The following ACSBG1 variants were observed in gnomAD, a reference collection of about 807,000 sequenced individuals.
ACSBG1 encodes the protein acyl-CoA synthetase bubblegum family member 1, also known as long-chain-fatty-acid--CoA ligase ACSBG1.
ACSBG1 carries 39 observed loss-of-function variants against 80.2 expected under a neutral mutation model. The ratio of observed to expected loss-of-function variants is 0.49; its 90% CI spans 0.38 to 0.64. The LOEUF (loss-of-function observed/expected upper bound fraction) is 0.64. Among genes scored for constraint, ACSBG1 ranks in the 30% least tolerant of loss-of-function variants. The probability of loss-of-function intolerance (pLI) is 0.00; values close to 1 mark genes in which losing one functional copy is unlikely to be tolerated. For missense variants in ACSBG1, 828 were observed against 966.4 expected (o/e 0.86, Z 1.90); for synonymous variants, 392 against 379.5 (o/e 1.03, Z -0.38).
At chr15:78,171,601 T>C in intron 13 of ACSBG1, 72 bp from the exon 14 acceptor site, 1 of 1,238,250 alleles carries the variant, frequency 8.1e-7, no homozygotes, top group Non-Finnish European at 1.2e-6. Flanking sequence ...TGGTAAAGAC[T>C]CACACTCAGT....
chr15:78,190,994 T>C (rs1005490094), intron 5 of ACSBG1, among the ~76,000 whole-genome samples: 19 of 152,164 alleles, frequency 1.2e-4, no homozygotes, highest in African/African-American at 4.6e-4. Context: ...AGGGCAAGAC[T>C]CAACTATGTG....
chr15:78,201,673 G>A (rs531959432), intron 2 of ACSBG1, among the ~76,000 whole-genome samples: 4 of 152,316 alleles, frequency 2.6e-5, no homozygotes, highest in East Asian at 3.9e-4. Flanking sequence ...GTTCCCACCC[G>A]TGGGCTCTGC....
In ACSBG1 at chr15:78,179,703, T is replaced by C. The variant is rs200747058; in HGVS notation, c.1331A>G (p.Lys444Arg). ...AKVRQALGFA[K>R]CQKNFYGAAP... ...CGCTCCATAGAAGTTCTTTTGACACTTGGCAAATCCCAGTGCCTGGCGAAC... is the reference window on the plus strand; with the variant it reads ...CGCTCCATAGAAGTTCTTTTGACACCTGGCAAATCCCAGTGCCTGGCGAAC... The change falls in exon 10 of 14, where the codon AAG becomes AGG. Residue 444 changes from lysine to arginine, a missense_variant. Transcript: ENST00000258873. The C allele has an allele frequency of 1.9e-5, 31 of 1,613,974 alleles. No individual in the cohort carries two copies. The highest frequency in any genetic ancestry group is 2.1e-5 in the Non-Finnish European group (25 of 1,180,028).
Position 78,174,592 on chromosome 15 carries a change from A to G in ACSBG1, c.1703-68T>C, listed in dbSNP as rs1374110559. ...GGTGCCCCAGCTGAACCACAACCCA[A>G]GCCTCAACCACAACCCGGAAGCCTC... On this transcript the variant is annotated intron_variant, in intron 11 of 13. Coordinates refer to ENST00000258873, the MANE Select transcript of ACSBG1 (RefSeq NM_015162.5). 4 of 1,539,766 alleles carry G rather than the reference A, an allele frequency of 2.6e-6. No individual in the cohort carries two copies. The Admixed American group carries it at 7.6e-5, about 29-fold the overall frequency.
intron 1 of ACSBG1, among the ~76,000 whole-genome samples, chr15:78,225,719 A>T (rs2075395217): frequency 6.6e-6 from 1 of 152,196 alleles, no homozygotes; most frequent in Non-Finnish European, 1.5e-5. Context: ...AGTACAAAGG[A>T]TCTAGTATAT....
rs188508542 is a variant in ACSBG1, at chr15:78,225,290, G to T, written c.131+9081C>A. ...TTGGTGGGCACCTGTAATTTCAGCTGCTTGGGAGGTTGAGGCAGGAGAATT... is the reference window on the plus strand; with the variant it reads ...TTGGTGGGCACCTGTAATTTCAGCTTCTTGGGAGGTTGAGGCAGGAGAATT... On this transcript the variant is annotated intron_variant, in intron 1 of 13. Coordinates refer to ENST00000258873, the MANE Select transcript of ACSBG1 (RefSeq NM_015162.5). Among the ~76,000 whole-genome samples, 121 of 151,788 alleles carry T rather than the reference G, an allele frequency of 8.0e-4. 1 individual carries two copies. The highest frequency in any genetic ancestry group is 2.5e-3 in the African/African-American group (104 of 41,380).
intron 5 of ACSBG1, among the ~76,000 whole-genome samples, chr15:78,187,853 G>A (rs1037654892): frequency 6.6e-6 from 1 of 152,108 alleles, no homozygotes; most frequent in Non-Finnish European, 1.5e-5. Flanking sequence ...GGAAATAAAG[G>A]GTATTCAATT....
chr15:78,189,141 G>A (rs2075034184), intron 5 of ACSBG1, among the ~76,000 whole-genome samples: 1 of 151,742 alleles, frequency 6.6e-6, no homozygotes, highest in Non-Finnish European at 1.5e-5. Context: ...ACACCAGTTA[G>A]AATGGCAATC....
intron 5 of ACSBG1, among the ~76,000 whole-genome samples, chr15:78,185,046 G>C (rs2074985638): frequency 1.0e-5 from 1 of 100,272 alleles, no homozygotes; most frequent in Non-Finnish European, 1.9e-5. Context: ...AAGGGGCGGA[G>C]GGGAGGGAGA....
At chr15:78,213,389 C>G (rs572493597) in intron 1 of ACSBG1, 1 of 152,374 alleles carries the variant, frequency 6.6e-6, no homozygotes, top group African/African-American at 2.4e-5. Context: ...AGAGGACTCA[C>G]GGTAGAGGGT....
chr15:78,168,818 C>A lies in ACSBG1; in HGVS notation c.*2626G>T. 1.4e-6 allele frequency: 1 copy of A among 692,692 alleles called. No homozygotes were observed. 42.9% of individuals were successfully genotyped at this position (692,692 alleles called of 1,614,324 possible). On this transcript the variant is annotated 3_prime_UTR_variant, in exon 14 of 14. Transcript: ENST00000258873. ...AATGAGGAACTAAATGAAAGAGCAG[C>A]CGAGTAACTTGCCCAGGTGGCATCT...
intron 7 of ACSBG1, 41 bp downstream of exon 7, chr15:78,182,425 C>A (rs747226261): frequency 1.3e-6 from 2 of 1,595,606 alleles, no homozygotes; most frequent in Non-Finnish European, 1.7e-6. Flanking sequence ...CCACCCATAA[C>A]CCCCTTGCAC....
intron 5 of ACSBG1, among the ~76,000 whole-genome samples, chr15:78,189,694 G>A (rs2075040060): frequency 1.3e-5 from 2 of 149,862 alleles, no homozygotes; most frequent in Admixed American, 6.7e-5. Context: ...AGGGGGGAGG[G>A]ATAGCTTTAG....
intron 5 of ACSBG1, among the ~76,000 whole-genome samples, chr15:78,185,999 A>G (rs192277112): frequency 1.3e-5 from 2 of 152,294 alleles, no homozygotes; most frequent in Admixed American, 6.5e-5. Context: ...GACCTGTATT[A>G]TAAGAAATGT....
At chr15:78,185,123 G>A (rs920976971) in intron 5 of ACSBG1, among the ~76,000 whole-genome samples, 38 of 152,026 alleles carry the variant, frequency 2.5e-4, no homozygotes, top group African/African-American at 8.9e-4. Context: ...AGGTGACCAA[G>A]ATCAGAACTC....
In ACSBG1 at chr15:78,175,066, A is replaced by C. The variant is rs373282297; in HGVS notation, c.1703-542T>G. Among the ~76,000 whole-genome samples the C allele has an allele frequency of 5.6e-4, 85 of 152,316 alleles. 1 individual carries two copies. Among genetic ancestry groups the C allele is most frequent in the African/African-American group, 1.9e-3 (80 of 41,578 alleles). On this transcript the variant is annotated intron_variant, in intron 11 of 13. Coordinates refer to ENST00000258873, the MANE Select transcript of ACSBG1 (RefSeq NM_015162.5). ...GTGGCAGAGCTAAGGTTTTAAATCC[A>C]GTCCATTTCCAGAGCCCATGCTCTC...
intron 1 of ACSBG1, among the ~76,000 whole-genome samples, chr15:78,218,809 C>CT (rs1188892122): frequency 0.034 from 1,276 of 37,030 alleles, 18 homozygotes; most frequent in Non-Finnish European, 0.052. Context: ...TATCGCTCTC[C>CT]TTTTTTTTTT....
At chr15:78,214,577 T>TTA (rs201963180) in intron 1 of ACSBG1, among the ~76,000 whole-genome samples, 2,594 of 152,130 alleles carry the variant, frequency 0.017, 49 homozygotes, top group Non-Finnish European at 0.023. Context: ...GTAGCTGGGA[T>TTA]TATAGGTGTG....
intron 1 of ACSBG1, among the ~76,000 whole-genome samples, chr15:78,232,271 T>A (rs1394992106): frequency 6.6e-6 from 1 of 152,240 alleles, no homozygotes; most frequent in Non-Finnish European, 1.5e-5. Flanking sequence ...TTAAACAATG[T>A]ATCCAAAGTC....
Sources: allele counts gnomAD v4.1 joint callset (sites outside exome capture counted in the v4.1 genomes callset), GRCh38; gene constraint gnomAD v4.1.1; transcripts MANE v1.5; gene names NCBI Gene and HGNC (gene_info 2026-07-23, HGNC 2026-07-21).